The following DMD variants were observed in gnomAD, a reference collection of about 807,000 sequenced individuals.
The protein encoded by DMD is mutant dystrophin.
A neutral mutation model predicts 330.1 loss-of-function variants in DMD; 63 were observed. The ratio of observed to expected loss-of-function variants is 0.19; its 90% CI spans 0.16 to 0.24. The LOEUF is 0.24. Ranked by LOEUF, DMD falls within the 10% of genes least tolerant of loss-of-function variation. The pLI is 1.00. For synonymous variants in DMD, 1,223 were observed against 959.8 expected (o/e 1.27, Z -5.07); for missense variants, 3,344 against 2,684.1 (o/e 1.25, Z -5.43).
chrX:32,306,142 G>C (rs1392170648), intron 42 of DMD, among the ~76,000 whole-genome samples: 1 of 108,585 alleles, frequency 9.2e-6, no homozygotes, highest in Non-Finnish European at 1.9e-5. Context: ...GTCTCCCAAT[G>C]TTATAATAAA....
intron 43 of DMD, among the ~76,000 whole-genome samples, chrX:32,237,655 A>G (rs1160700676): frequency 8.9e-6 from 1 of 112,030 alleles, no homozygotes; most frequent in Non-Finnish European, 1.9e-5. Flanking sequence ...TGGATGATGA[A>G]GTGAAATGAA....
chrX:32,749,568 T>C (rs2070525812), intron 7 of DMD, among the ~76,000 whole-genome samples: 1 of 112,402 alleles, frequency 8.9e-6, no homozygotes, highest in African/African-American at 3.2e-5. Flanking sequence ...ACATTTCTTA[T>C]TAGAATTTTC....
At chrX:32,882,514 T>A (rs2084055910) in intron 2 of DMD, among the ~76,000 whole-genome samples, 1 of 112,113 alleles carries the variant, frequency 8.9e-6, no homozygotes, top group South Asian at 3.7e-4. Flanking sequence ...TAAGGATGAT[T>A]TCTCATTCTT....
chrX:32,621,211 CTCTT>C (rs753590409), intron 11 of DMD, among the ~76,000 whole-genome samples: 1 of 111,580 alleles, frequency 9.0e-6, no homozygotes, highest in Non-Finnish European at 1.9e-5. Flanking sequence ...AAGGTATAAA[CTCTT>C]TCTAGACGGA....
intron 55 of DMD, among the ~76,000 whole-genome samples, chrX:31,510,312 C>A (rs2071360911): frequency 9.0e-6 from 1 of 110,828 alleles, no homozygotes; most frequent in African/African-American, 3.3e-5. Context: ...TGGGCTGCCT[C>A]CACCAACCCA....
intron 44 of DMD, among the ~76,000 whole-genome samples, chrX:32,106,976 A>G (rs755846758): frequency 5.3e-5 from 6 of 112,256 alleles, no homozygotes; most frequent in African/African-American, 1.9e-4. Context: ...CAAGCTCTGC[A>G]ATGATCCTTG....
At chrX:32,729,188 A>G (rs1019398251) in intron 7 of DMD, among the ~76,000 whole-genome samples, 1 of 112,121 alleles carries the variant, frequency 8.9e-6, no homozygotes, top group African/African-American at 3.2e-5. Context: ...TTATTGAATC[A>G]TTTCGGATTT....
chrX:32,730,675 T>C (rs942880731), intron 7 of DMD, among the ~76,000 whole-genome samples: 7 of 112,197 alleles, frequency 6.2e-5, no homozygotes, highest in Non-Finnish European at 1.3e-4. Context: ...GAGTTTGGAA[T>C]CTTTAATATA....
At chrX:32,636,659 A>C (rs1390031736) in intron 11 of DMD, among the ~76,000 whole-genome samples, 1 of 111,933 alleles carries the variant, frequency 8.9e-6, no homozygotes, top group Non-Finnish European at 1.9e-5. Flanking sequence ...ACATAAATTC[A>C]GTTTAGTAAC....
chrX:32,771,078 T>C (rs2073543906), intron 7 of DMD, among the ~76,000 whole-genome samples: 1 of 111,761 alleles, frequency 8.9e-6, no homozygotes, highest in Non-Finnish European at 1.9e-5. Context: ...TGACTCCCAA[T>C]GAGCCTGGAT....
At chrX:31,379,982 G>A (rs1471768639) in intron 60 of DMD, among the ~76,000 whole-genome samples, 5 of 111,429 alleles carry the variant, frequency 4.5e-5, no homozygotes, top group Non-Finnish European at 7.5e-5. Context: ...GACTGACGCT[G>A]CCCGATTGCC....
At chrX:32,326,386 C>T (rs2097650750) in intron 41 of DMD, among the ~76,000 whole-genome samples, 1 of 112,036 alleles carries the variant, frequency 8.9e-6, no homozygotes, top group Admixed American at 9.5e-5. Flanking sequence ...AGCCAAAGGA[C>T]ATATTTTGCT....
intron 55 of DMD, among the ~76,000 whole-genome samples, chrX:31,525,507 G>T (rs1241063065): frequency 1.8e-5 from 2 of 111,837 alleles, no homozygotes; most frequent in African/African-American, 6.5e-5. Flanking sequence ...ATCATTAAAT[G>T]TACGGAATTA....
rs1358379786 is a variant in DMD at position 31,121,181 on chromosome X, T to C, written c.*738A>G. 1 of 111,616 alleles carries C rather than the reference T, an allele frequency of 9.0e-6. No individual in the cohort carries two copies. The highest frequency in any genetic ancestry group is 1.9e-5 in the Non-Finnish European group (1 of 53,110). 9.2% of individuals were successfully genotyped at this position (111,616 alleles called of 1,213,427 possible). On this transcript the variant is annotated 3_prime_UTR_variant, in exon 79 of 79. Transcript: ENST00000357033. ...TTAAAAAATGGAAAAAGTCAGTCTA[T>C]AGAAATTCGTATCTCTTTATCTATA...
chrX:31,775,221 C>T (rs1307097912), intron 50 of DMD, among the ~76,000 whole-genome samples: 1 of 110,907 alleles, frequency 9.0e-6, no homozygotes, highest in Non-Finnish European at 1.9e-5. Context: ...GAAAGAGCAG[C>T]ATAATCATCA....
intron 11 of DMD, among the ~76,000 whole-genome samples, chrX:32,632,470 G>C (rs1223167404): frequency 8.9e-6 from 1 of 112,474 alleles, no homozygotes; most frequent in East Asian, 2.8e-4. Context: ...GACTACGTGT[G>C]GGGGATCAAA....
At chrX:32,727,307 C>G (rs924342217) in intron 7 of DMD, among the ~76,000 whole-genome samples, 1 of 110,876 alleles carries the variant, frequency 9.0e-6, no homozygotes, top group African/African-American at 3.3e-5. Context: ...TCAAAAAATA[C>G]TAAAGTAGGT....
chrX:31,848,414 C>T (rs1035526376), intron 48 of DMD, among the ~76,000 whole-genome samples: 6 of 111,348 alleles, frequency 5.4e-5, no homozygotes, highest in East Asian at 2.8e-4. Flanking sequence ...TTATAGTGGC[C>T]GGCTTGTGTA....
chrX:32,595,845 A>T lies in DMD; in HGVS notation c.1514T>A (p.Val505Asp), dbSNP rs2055459221. ...VLQEDLEQEQ[V>D]RVNSLTHMVV... ...CATGTGAGTGAGAGAATTGACCCTG[A>T]CTTGTTCTTGTTCTAGATCTTCTTG... Residue 505 changes from valine to aspartate, a missense_variant, in exon 13 of 79, where the codon GTC becomes GAC. Val to Asp is a radical substitution (Grantham distance 152, BLOSUM62 -3). Transcript: ENST00000357033. 5 of 1,202,532 alleles carry T rather than the reference A, an allele frequency of 4.2e-6. No homozygotes were observed. The highest frequency in any genetic ancestry group is 5.6e-6 in the Non-Finnish European group (5 of 887,131).
Sources: allele counts gnomAD v4.1 joint callset (sites outside exome capture counted in the v4.1 genomes callset), GRCh38; gene constraint gnomAD v4.1.1; transcripts MANE v1.5; gene names NCBI Gene and HGNC (gene_info 2026-07-23, HGNC 2026-07-21).